RAI14: variants seen among roughly 807,000 people sequenced by gnomAD.
RAI14 encodes the protein ankycorbin.
A neutral mutation model predicts 115.4 loss-of-function variants in RAI14; 45 were observed. That is an observed-to-expected ratio of 0.39 (90% CI 0.31 to 0.50). The LOEUF is 0.50. Among genes scored for constraint, RAI14 ranks in the 20% least tolerant of loss-of-function variants. The probability of loss-of-function intolerance (pLI) is 0.85; values close to 1 mark genes in which losing one functional copy is unlikely to be tolerated. For synonymous variants in RAI14, 371 were observed against 415.4 expected, an observed-to-expected ratio of 0.89 and a Z score of 1.30; for missense variants, 939 against 1,131.2, an observed-to-expected ratio of 0.83 and a Z score of 2.44.
intron 2 of RAI14, among the ~76,000 whole-genome samples, chr5:34,756,664 A>G (rs538456329): frequency 2.6e-5 from 4 of 152,234 alleles, no homozygotes; most frequent in African/African-American, 9.6e-5. Context: ...TCTGCTCCCA[A>G]ACCTTCAGTG....
chr5:34,665,325 G>A (rs1743122372), intron 1 of RAI14, among the ~76,000 whole-genome samples: 1 of 149,676 alleles, frequency 6.7e-6, no homozygotes. Flanking sequence ...AAACTAACAA[G>A]CAGCATCTAC....
At chr5:34,772,874 G>A (rs1193930065) in intron 3 of RAI14, among the ~76,000 whole-genome samples, 1 of 152,168 alleles carries the variant, frequency 6.6e-6, no homozygotes, top group Non-Finnish European at 1.5e-5. Context: ...TGAAACCTTG[G>A]AATCTTTCCA....
rs1368934274 is a variant in RAI14, at chr5:34,823,902, T to C, written c.2060T>C (p.Leu687Ser). 1.2e-6 allele frequency: 2 copies of C among 1,614,156 alleles called. No homozygotes were observed. Among genetic ancestry groups the C allele is most frequent in the Non-Finnish European group, 1.7e-6 (2 of 1,180,016 alleles). Residue 687 changes from leucine to serine, a missense_variant, in exon 15 of 18, where the codon TTG becomes TCG. Transcript: ENST00000265109. The surrounding 1 kb of genome is among the most constrained non-coding windows in gnomAD (Gnocchi z 4.5). Reference protein sequence around the residue: ...HKAEHEKLMQLTNVSRAKAED... With the variant: ...HKAEHEKLMQSTNVSRAKAED... Reference sequence around the variant, plus strand: ...GCAGAGCATGAGAAACTGATGCAATTGACAAACGTGTCCAGGGCTAAAGCA... The same window carrying C: ...GCAGAGCATGAGAAACTGATGCAATCGACAAACGTGTCCAGGGCTAAAGCA...
chr5:34,661,881 G>C (rs57748347), intron 1 of RAI14, among the ~76,000 whole-genome samples: 1 of 152,128 alleles, frequency 6.6e-6, no homozygotes, highest in Non-Finnish European at 1.5e-5. Context: ...GAACTCCTGG[G>C]CTCAAGTGAT....
chr5:34,709,264 T>G (rs1741105705), intron 2 of RAI14, among the ~76,000 whole-genome samples: 1 of 151,942 alleles, frequency 6.6e-6, no homozygotes, highest in African/African-American at 2.4e-5. Flanking sequence ...TCTGGCCAAC[T>G]TGGCGAAACC....
intron 3 of RAI14, among the ~76,000 whole-genome samples, chr5:34,783,612 G>C (rs964157502): frequency 6.6e-6 from 1 of 152,134 alleles, no homozygotes; most frequent in African/African-American, 2.4e-5. Context: ...CCTTTAGGCA[G>C]GCTCAAAAAA....
At chr5:34,658,739 A>T (rs932837670) in intron 1 of RAI14, among the ~76,000 whole-genome samples, 1 of 152,158 alleles carries the variant, frequency 6.6e-6, no homozygotes, top group Non-Finnish European at 1.5e-5. Flanking sequence ...TGGAGGTTGC[A>T]GTGAGCTGGG....
intron 2 of RAI14, among the ~76,000 whole-genome samples, chr5:34,703,780 T>G: frequency 6.6e-6 from 1 of 152,194 alleles, no homozygotes; most frequent in East Asian, 1.9e-4. Context: ...AGGTCTGCAT[T>G]TCGGGGGCAT....
intron 2 of RAI14, chr5:34,687,467 A>C: frequency 9.5e-7 from 1 of 1,052,842 alleles, no homozygotes; most frequent in South Asian, 2.7e-5. Flanking sequence ...ACTCGTACTC[A>C]TTTGTTATCT....
intron 3 of RAI14, among the ~76,000 whole-genome samples, chr5:34,758,333 G>T (rs558523474): frequency 6.6e-6 from 1 of 152,278 alleles, no homozygotes; most frequent in Admixed American, 6.5e-5. Flanking sequence ...CTGAGACAAG[G>T]ATTTAAGTGC....
rs570974809 is a variant in RAI14 at position 34,767,682 on chromosome 5, G to T, written c.167+10084G>T. The stretch of plus-strand genomic sequence containing the variant: ...AGGCCCAATTTACCATCTCTTTCCT[G>T]AAGCCATTTCTAAAATTTCCTGAGT... On this transcript the variant is annotated intron_variant, in intron 3 of 17. Coordinates refer to ENST00000265109, the MANE Select transcript of RAI14 (RefSeq NM_015577.3). 9.8e-5 allele frequency among the ~76,000 whole-genome samples: 14 copies of T among 142,688 alleles called. No homozygotes were observed. In the South Asian group the frequency reaches 3.1e-3, roughly 32 times the overall value. The allele number at this position is 142,688 out of a possible 152,430, so 93.6% of individuals were successfully genotyped here. A position where few individuals can be genotyped will look rare whatever the true frequency, so the allele number is the denominator to read the frequency against.
chr5:34,720,401 ATTTTTTTTT>A (rs35380327), intron 2 of RAI14, among the ~76,000 whole-genome samples: 7 of 80,232 alleles, frequency 8.7e-5, no homozygotes, highest in African/African-American at 3.2e-4. Context: ...CCTGTCTCAG[ATTTTTTTTT>A]TTTTTTTTTT....
chr5:34,786,709 T>C (rs1326314073), intron 3 of RAI14, among the ~76,000 whole-genome samples: 1 of 152,124 alleles, frequency 6.6e-6, no homozygotes, highest in African/African-American at 2.4e-5. Flanking sequence ...TGGCGACCCT[T>C]CGACCTGGGT....
At chr5:34,724,796 G>C (rs1471212931) in intron 2 of RAI14, among the ~76,000 whole-genome samples, 1 of 152,174 alleles carries the variant, frequency 6.6e-6, no homozygotes, top group Non-Finnish European at 1.5e-5. Flanking sequence ...TTGCTTGAAA[G>C]TAAATCTAGG....
chr5:34,678,641 T>C (rs1230196879), intron 1 of RAI14, among the ~76,000 whole-genome samples: 1 of 152,220 alleles, frequency 6.6e-6, no homozygotes, highest in Non-Finnish European at 1.5e-5. Flanking sequence ...GACACCTTGA[T>C]CTTGGGCTTT....
intron 3 of RAI14, among the ~76,000 whole-genome samples, chr5:34,784,647 C>T (rs920930224): frequency 6.6e-6 from 1 of 152,172 alleles, no homozygotes; most frequent in East Asian, 1.9e-4. Context: ...TCTACTAAGT[C>T]CTGCTCATGG....
chr5:34,800,752 C>G (rs1754159065), intron 4 of RAI14, among the ~76,000 whole-genome samples: 1 of 152,126 alleles, frequency 6.6e-6, no homozygotes, highest in South Asian at 2.1e-4. Flanking sequence ...AAAAGAAAAC[C>G]TGTTATTTTA....
chr5:34,747,096 T>C (rs1360981059), intron 2 of RAI14, among the ~76,000 whole-genome samples: 6 of 152,256 alleles, frequency 3.9e-5, no homozygotes, highest in Admixed American at 2.6e-4. Context: ...CTCAGTTATG[T>C]CTTTATCAGC....
rs542245875 is a variant in RAI14 at position 34,672,820 on chromosome 5, C to T, written c.-48-14052C>T. Among the ~76,000 whole-genome samples, 4 of 152,148 alleles carry T rather than the reference C, an allele frequency of 2.6e-5. No homozygotes were observed. The South Asian group carries it at 8.3e-4, about 32-fold the overall frequency. ...TTGAGGTCTACTGGTCCAGCTGAGC[C>T]CCAGCACCCCTTCTCACCCCATACC... On this transcript the variant is annotated intron_variant, in intron 1 of 17. Transcript: ENST00000265109.
Sources: gnomAD v4.1 joint callset for allele counts (sites outside exome capture counted in the v4.1 genomes callset) on GRCh38, gnomAD v4.1.1 for gene constraint, Gnocchi (gnomAD v3.1) non-coding constraint, MANE v1.5 for transcripts, NCBI Gene and HGNC (gene_info 2026-07-23, HGNC 2026-07-21) for gene names.